Variants in ANTXR1 observed in about 807,000 individuals in gnomAD.
ANTXR1 encodes the protein anthrax toxin receptor 1.
ANTXR1 carries 19 observed loss-of-function variants against 78.1 expected under a neutral mutation model. The ratio of observed to expected loss-of-function variants is 0.24; its 90% CI spans 0.17 to 0.36. ANTXR1 has a LOEUF of 0.36. Ranked by LOEUF, ANTXR1 falls within the 10% of genes least tolerant of loss-of-function variation. The pLI is 1.00. For missense variants in ANTXR1, 518 were observed against 718.6 expected (o/e 0.72, Z 3.19); for synonymous variants, 273 against 260.5 (o/e 1.05, Z -0.46).
intron 16 of ANTXR1, among the ~76,000 whole-genome samples, chr2:69,188,430 A>T (rs1490293072): frequency 1.3e-5 from 2 of 152,226 alleles, no homozygotes; most frequent in Non-Finnish European, 2.9e-5. Context: ...CTGGCTGCAT[A>T]ATCATTCCCA....
intron 12 of ANTXR1, among the ~76,000 whole-genome samples, chr2:69,149,937 G>A (rs9989781): frequency 0.15 from 23,045 of 152,118 alleles, 3,472 homozygotes; most frequent in African/African-American, 0.37. Context: ...AGAGCATCCC[G>A]TCGGCCATGG....
intron 12 of ANTXR1, among the ~76,000 whole-genome samples, chr2:69,149,040 A>T (rs1041723215): frequency 1.3e-5 from 2 of 152,258 alleles, no homozygotes; most frequent in Non-Finnish European, 2.9e-5. Flanking sequence ...CTCTAAGTTT[A>T]TCAAAAACTC....
intron 14 of ANTXR1, among the ~76,000 whole-genome samples, chr2:69,175,503 G>A (rs1023245031): frequency 6.6e-6 from 1 of 152,000 alleles, no homozygotes; most frequent in African/African-American, 2.4e-5. Flanking sequence ...TCACACATGT[G>A]GTCCCAGCTA....
chr2:69,135,015 A>G, intron 12 of ANTXR1: 1 of 415,612 alleles, frequency 2.4e-6, no homozygotes, highest in South Asian at 1.8e-5. Context: ...GGTTTTACAT[A>G]CAATCATTAG....
intron 10 of ANTXR1, among the ~76,000 whole-genome samples, chr2:69,108,462 T>G (rs999203752): frequency 1.3e-5 from 2 of 152,160 alleles, no homozygotes; most frequent in African/African-American, 4.8e-5. Flanking sequence ...ACAAATAAAT[T>G]CTTTTATTTA....
chr2:69,222,293 T>G (rs1321558886), intron 17 of ANTXR1, among the ~76,000 whole-genome samples: 1 of 152,174 alleles, frequency 6.6e-6, no homozygotes, highest in Non-Finnish European at 1.5e-5. Flanking sequence ...GACAGTGTGA[T>G]GAGGTAATGT....
At chr2:69,187,431 A>C (rs188698977) in intron 16 of ANTXR1, among the ~76,000 whole-genome samples, 2 of 152,174 alleles carry the variant, frequency 1.3e-5, no homozygotes, top group African/African-American at 4.8e-5. Flanking sequence ...AGAAGAAAAA[A>C]AAAAGCGCAA....
intron 3 of ANTXR1, among the ~76,000 whole-genome samples, chr2:69,068,734 G>C (rs1670479463): frequency 6.6e-6 from 1 of 152,216 alleles, no homozygotes; most frequent in Non-Finnish European, 1.5e-5. Context: ...GTACTTTAAA[G>C]ACATTCTTGC....
intron 9 of ANTXR1, among the ~76,000 whole-genome samples, chr2:69,099,387 T>C (rs1671537777): frequency 6.6e-6 from 1 of 152,246 alleles, no homozygotes; most frequent in African/African-American, 2.4e-5. Flanking sequence ...TGGCTGCTTT[T>C]AATAATGCCA....
At chr2:69,060,876 C>T (rs1558503157) in intron 3 of ANTXR1, among the ~76,000 whole-genome samples, 2 of 152,056 alleles carry the variant, frequency 1.3e-5, no homozygotes, top group African/African-American at 4.8e-5. Flanking sequence ...GATGTTTTCC[C>T]CTTTCTTTCA....
chr2:69,201,591 G>A (rs1431954728), intron 17 of ANTXR1, among the ~76,000 whole-genome samples: 1 of 152,226 alleles, frequency 6.6e-6, no homozygotes, highest in African/African-American at 2.4e-5. Flanking sequence ...AGTGAGAGAG[G>A]CTGGCACCCT....
At chr2:69,142,917 G>A (rs1673110392) in intron 12 of ANTXR1, among the ~76,000 whole-genome samples, 1 of 152,192 alleles carries the variant, frequency 6.6e-6, no homozygotes, top group African/African-American at 2.4e-5. Context: ...ATAGATTCCA[G>A]GGATTTCATG....
At chr2:69,089,987 A>C (rs1671175598) in intron 8 of ANTXR1, among the ~76,000 whole-genome samples, 1 of 152,138 alleles carries the variant, frequency 6.6e-6, no homozygotes, top group Non-Finnish European at 1.5e-5. Context: ...TAGCCAGCAA[A>C]AGTCTTCATT....
rs183057752 is a variant in ANTXR1 at position 69,172,280 on chromosome 2, G to A, written c.1089+1991G>A. The A allele has an allele frequency of 7.6e-5, 81 of 1,072,848 alleles. 1 individual carries two copies. Among genetic ancestry groups the A allele is most frequent in the South Asian group, 4.3e-4 (32 of 74,154 alleles). 66.5% of individuals were successfully genotyped at this position (1,072,848 alleles called of 1,614,324 possible). ...AACATTGTACTTTTTAGCATCAGGC[G>A]CTTTTTGGCATGTGCTGATTGCCTT... is the stretch of plus-strand genomic sequence containing the variant. On this transcript the variant is annotated intron_variant, in intron 14 of 17. Transcript: ENST00000303714.
intron 17 of ANTXR1, among the ~76,000 whole-genome samples, chr2:69,240,869 G>A (rs1675878680): frequency 6.6e-6 from 1 of 151,994 alleles, no homozygotes; most frequent in African/African-American, 2.4e-5. Flanking sequence ...TTGATGATAA[G>A]TAAAGACACT....
Position 69,240,600 on chromosome 2 carries a change from T to C in ANTXR1, c.1435-4625T>C, listed in dbSNP as rs540112280. ...AGGTTCGGGAACAATCGTTTGACTA[T>C]GTCAAGAGCTGCTGGATTGTGGTCA... On this transcript the variant is annotated intron_variant, in intron 17 of 17. Coordinates refer to ENST00000303714, the MANE Select transcript of ANTXR1 (RefSeq NM_032208.3). Among the ~76,000 whole-genome samples, 3 of 152,334 alleles carry C rather than the reference T, an allele frequency of 2.0e-5. No individual in the cohort carries two copies. The South Asian group carries it at 6.2e-4, about 32-fold the overall frequency.
chr2:69,198,715 T>C (rs1674712037), intron 17 of ANTXR1, among the ~76,000 whole-genome samples: 1 of 152,232 alleles, frequency 6.6e-6, no homozygotes, highest in African/African-American at 2.4e-5. Context: ...CAAGAGAACA[T>C]ACATTTTCAC....
rs1558629093 is a variant in ANTXR1, at chr2:69,183,585, T to TG, written c.1353+925_1353+926insG. Among the ~76,000 whole-genome samples the TG allele has an allele frequency of 1.7e-3, 238 of 140,808 alleles. 1 individual carries two copies. The highest frequency in any genetic ancestry group is 6.2e-3 in the African/African-American group (222 of 35,726). 92.4% of individuals were successfully genotyped at this position (140,808 alleles called of 152,430 possible). On this transcript the variant is annotated intron_variant, in intron 16 of 17. Transcript: ENST00000303714. ...CCCAGCTAATTTTTGTTTTTTTTTT[T>TG]TTTTTTTTTTTTTTGAGGGACGGAT...
chr2:69,154,550 G>A (rs1199876145), intron 13 of ANTXR1, among the ~76,000 whole-genome samples: 1 of 152,118 alleles, frequency 6.6e-6, no homozygotes. Context: ...TTTCTCTCCC[G>A]AGATACAGCA....
Sources: allele counts gnomAD v4.1 joint callset (sites outside exome capture counted in the v4.1 genomes callset), GRCh38; gene constraint gnomAD v4.1.1; transcripts MANE v1.5; gene names NCBI Gene and HGNC (gene_info 2026-07-23, HGNC 2026-07-21).